Variants in LRRK1 observed in about 807,000 individuals in gnomAD.
LRRK1 encodes the protein leucine rich repeat kinase 1.
A neutral mutation model predicts 209.1 loss-of-function variants in LRRK1; 113 were observed. The ratio of observed to expected loss-of-function variants is 0.54; its 90% CI spans 0.46 to 0.63. The LOEUF (loss-of-function observed/expected upper bound fraction) is 0.63. LRRK1 is among the 30% of genes least tolerant of loss of function. The pLI is 0.00. For missense variants in LRRK1, 2,284 were observed against 2,632.2 expected, an observed-to-expected ratio of 0.87 and a Z score of 2.89; for synonymous variants, 1,144 against 1,099.7, an observed-to-expected ratio of 1.04 and a Z score of -0.80.
At chr15:100,996,984 G>A (rs2032445816) in intron 6 of LRRK1, among the ~76,000 whole-genome samples, 1 of 152,030 alleles carries the variant, frequency 6.6e-6, no homozygotes, top group South Asian at 2.1e-4. Context: ...CAGAGATTTA[G>A]ATTCATTATG....
At chr15:100,947,105 G>A (rs753156868) in intron 2 of LRRK1, among the ~76,000 whole-genome samples, 8 of 151,934 alleles carry the variant, frequency 5.3e-5, no homozygotes, top group Non-Finnish European at 1.2e-4. Context: ...TTACAGGCCC[G>A]CACCACCATA....
At chr15:101,035,188 G>A (rs1380414194) in intron 20 of LRRK1, among the ~76,000 whole-genome samples, 2 of 151,898 alleles carry the variant, frequency 1.3e-5, no homozygotes, top group South Asian at 2.1e-4. Flanking sequence ...TTGGTCTCAA[G>A]TCATTTAAAT....
rs376554922 is a variant in LRRK1 at position 101,049,783 on chromosome 15, G to T, written c.3439G>T (p.Ala1147Ser). 5 of 1,611,924 alleles carry T rather than the reference G, an allele frequency of 3.1e-6. No individual in the cohort carries two copies. The East Asian group carries it at 1.1e-4, about 36-fold the overall frequency. ...TTCCTTGATTGATCAGTGGTTTCCCGGTAAGAGGAGATGCTAGAAGCAAGC... is the reference window on the plus strand; with the variant it reads ...TTCCTTGATTGATCAGTGGTTTCCCTGTAAGAGGAGATGCTAGAAGCAAGC... Reference protein sequence around the residue: ...VNSLIDQWFPALTATESDGTP... With the variant: ...VNSLIDQWFPSLTATESDGTP... The change falls in exon 23 of 34, where the codon GCC becomes TCC. Residue 1147 changes from alanine to serine, a missense_variant and splice_region_variant. This residue lies in a region of LRRK1 where 780 missense variants were observed against 985.2 expected (regional missense o/e 0.79). Transcript: ENST00000388948.
chr15:100,922,089 T>C (rs891707591), intron 1 of LRRK1, among the ~76,000 whole-genome samples: 6 of 152,260 alleles, frequency 3.9e-5, no homozygotes, highest in African/African-American at 1.4e-4. Context: ...AGGAAATTGA[T>C]GAGGTTTTGA....
In LRRK1 at chr15:101,014,434, C is replaced by T. The variant is rs1373157680; in HGVS notation, c.1532+6C>T. The T allele has an allele frequency of 1.9e-6, 3 of 1,588,420 alleles. No homozygotes were observed. In the African/African-American group the frequency reaches 4.0e-5, roughly 21 times the overall value. ...TCCAGAAACCAACTTGGCAAGTAAGCAGGGGCCTCTCCTCCCTGGCCAGTT... is the reference window on the plus strand; with the variant it reads ...TCCAGAAACCAACTTGGCAAGTAAGTAGGGGCCTCTCCTCCCTGGCCAGTT... On this transcript the variant is annotated splice_donor_region_variant and intron_variant, in intron 11 of 33. Transcript: ENST00000388948.
At position 101,076,436 on chromosome 15, in the gene LRRK1, G is replaced by A. The variant is rs1269949252; in HGVS notation, c.*7588G>A. On this transcript the variant is annotated 3_prime_UTR_variant, in exon 34 of 34. Coordinates refer to ENST00000388948, the MANE Select transcript of LRRK1 (RefSeq NM_024652.6). ...TCCTGATACCACACCTGACCCCCAT[G>A]ACTGCATCTCTCTGATCCACCTGAC... is the stretch of plus-strand genomic sequence containing the variant. 2 of 151,780 alleles carry A rather than the reference G, an allele frequency of 1.3e-5. No homozygotes were observed. Among genetic ancestry groups the A allele is most frequent in the Admixed American group, 1.3e-4 (2 of 15,236 alleles). The allele number at this position is 151,780 out of a possible 1,614,324, so 9.4% of individuals were successfully genotyped here.
At chr15:100,970,086 C>T (rs1764133142) in intron 2 of LRRK1, among the ~76,000 whole-genome samples, 1 of 152,136 alleles carries the variant, frequency 6.6e-6, no homozygotes, top group African/African-American at 2.4e-5. Context: ...GACGGGGTTT[C>T]ACCATGTTGG....
chr15:100,975,329 G>A (rs1213128065), intron 3 of LRRK1, among the ~76,000 whole-genome samples: 1 of 152,246 alleles, frequency 6.6e-6, no homozygotes, highest in African/African-American at 2.4e-5. Context: ...GATGCTGACG[G>A]GGGAAGATGA....
chr15:100,975,868 A>G (rs2031265692), intron 3 of LRRK1, among the ~76,000 whole-genome samples: 1 of 152,228 alleles, frequency 6.6e-6, no homozygotes, highest in Admixed American at 6.5e-5. Context: ...TAGAAAGCAA[A>G]GTAGAAAGAA....
At chr15:100,972,361 AGAGTGTGTGTGTGTGT>A (rs2030966834) in intron 2 of LRRK1, among the ~76,000 whole-genome samples, 44 of 84,026 alleles carry the variant, frequency 5.2e-4, no homozygotes, top group Middle Eastern at 5.1e-3. Context: ...AGAGAGAGAG[AGAGTGTGTGTGTGTGT>A]GTGTGTGTGT....
chr15:101,048,768 A>G, intron 22 of LRRK1, 111 bp downstream of exon 22: 1 of 897,394 alleles, frequency 1.1e-6, no homozygotes, highest in Non-Finnish European at 1.6e-6. Flanking sequence ...TTTGCTCGTG[A>G]GAGCGGCTCG....
At chr15:100,928,869 C>A (rs560742290) in intron 2 of LRRK1, among the ~76,000 whole-genome samples, 27 of 151,990 alleles carry the variant, frequency 1.8e-4, no homozygotes, top group Admixed American at 1.2e-3. Context: ...CCGTGCGGCC[C>A]GCTGTGTGTT....
chr15:101,023,319 A>C (rs1024464545), intron 15 of LRRK1, among the ~76,000 whole-genome samples: 1 of 151,962 alleles, frequency 6.6e-6, no homozygotes, highest in East Asian at 1.9e-4. Context: ...ACAGAGCAAG[A>C]CTCCATTCAA....
intron 2 of LRRK1, among the ~76,000 whole-genome samples, chr15:100,942,669 C>T (rs1426608958): frequency 6.6e-6 from 1 of 152,152 alleles, no homozygotes; most frequent in Non-Finnish European, 1.5e-5. Context: ...CTTTCCTTGC[C>T]TTATCTTCAG....
chr15:100,957,284 G>C (rs1050546437), intron 2 of LRRK1, among the ~76,000 whole-genome samples: 1 of 152,120 alleles, frequency 6.6e-6, no homozygotes, highest in Non-Finnish European at 1.5e-5. Context: ...TGAAGGCATT[G>C]TTCTGCATAT....
intron 2 of LRRK1, among the ~76,000 whole-genome samples, chr15:100,956,096 C>T (rs1334075311): frequency 2.0e-5 from 3 of 152,138 alleles, no homozygotes; most frequent in Non-Finnish European, 2.9e-5. Context: ...TAGAATTCAC[C>T]TGTGAAGCCA....
chr15:101,012,423 G>C (rs1168455541), intron 10 of LRRK1, among the ~76,000 whole-genome samples: 1 of 152,208 alleles, frequency 6.6e-6, no homozygotes, highest in East Asian at 1.9e-4. Context: ...GAGGCTGAGT[G>C]GACACTGAGA....
rs1567218348 is a variant in LRRK1 at position 100,989,409 on chromosome 15, A to T, written c.762+11A>T. 10 of 1,613,868 alleles carry T rather than the reference A, an allele frequency of 6.2e-6. No individual in the cohort carries two copies. Among genetic ancestry groups the T allele is most frequent in the Non-Finnish European group, 8.5e-6 (10 of 1,179,914 alleles). On this transcript the variant is annotated intron_variant, in intron 6 of 33. Transcript: ENST00000388948. ...TATCCGGGAAAAACAGTGAGTAGTC[A>T]CTGCCTGTGGAGTGTGTTTTAGTTC...
At chr15:101,046,411 A>G (rs974854592) in intron 21 of LRRK1, among the ~76,000 whole-genome samples, 3 of 152,162 alleles carry the variant, frequency 2.0e-5, no homozygotes, top group Non-Finnish European at 4.4e-5. Context: ...GTGTTAGCCC[A>G]CCTCAAAACC....
Sources: allele counts gnomAD v4.1 joint callset (sites outside exome capture counted in the v4.1 genomes callset), GRCh38; gene constraint gnomAD v4.1.1; regional missense constraint gnomAD v4.1.1; transcripts MANE v1.5; gene names NCBI Gene and HGNC (gene_info 2026-07-23, HGNC 2026-07-21).